Variants in SPTBN1 observed in about 807,000 individuals in gnomAD.
SPTBN1 encodes the protein spectrin beta, non-erythrocytic 1.
In SPTBN1, 32 loss-of-function variants were observed where a neutral mutation model predicts 266.4. The ratio of observed to expected loss-of-function variants is 0.12; its 90% CI spans 0.09 to 0.16. The LOEUF (loss-of-function observed/expected upper bound fraction) is 0.16, where lower values mean the gene tolerates loss of function less well. SPTBN1 is among the 10% of genes least tolerant of loss of function. The probability of loss-of-function intolerance (pLI) is 1.00; values close to 1 mark genes in which losing one functional copy is unlikely to be tolerated. For missense variants in SPTBN1, 2,296 were observed against 3,067.1 expected (o/e 0.75, Z 5.94); for synonymous variants, 1,336 against 1,162.2 (o/e 1.15, Z -3.04).
intron 32 of SPTBN1, chr2:54,661,041 T>G (rs961356536): frequency 1.6e-5 from 16 of 985,268 alleles, no homozygotes; most frequent in Non-Finnish European, 1.8e-5. Context: ...CTGGGAGCGC[T>G]CGCATGCCCC....
rs180904074 is a variant in SPTBN1, at chr2:54,576,530, A to G, written c.149-22562A>G. Among the ~76,000 whole-genome samples the G allele has an allele frequency of 1.0e-3, 159 of 152,222 alleles. 3 individuals are homozygous for G. The highest frequency in any genetic ancestry group is 1.8e-4 in the Non-Finnish European group (12 of 68,008). The stretch of plus-strand genomic sequence containing the variant: ...AGAACTTGTACTCAAAACTCAACTG[A>G]CAAATCCTGGAAGGCCGTTGCTTAT... On this transcript the variant is annotated intron_variant, in intron 2 of 35. Coordinates refer to ENST00000356805, the MANE Select transcript of SPTBN1 (RefSeq NM_003128.3).
intron 2 of SPTBN1, chr2:54,535,083 A>C (rs1671522139): frequency 6.6e-6 from 1 of 152,182 alleles, no homozygotes; most frequent in South Asian, 2.1e-4. Flanking sequence ...CATAGAATTG[A>C]GAGTTGATTT....
At chr2:54,617,070 A>G (rs1438566568) in intron 5 of SPTBN1, among the ~76,000 whole-genome samples, 4 of 152,240 alleles carry the variant, frequency 2.6e-5, no homozygotes, top group Non-Finnish European at 4.4e-5. Flanking sequence ...TTAATAGTCA[A>G]TATGGTATAG....
chr2:54,563,880 G>A (rs907404309), intron 2 of SPTBN1, among the ~76,000 whole-genome samples: 1 of 152,060 alleles, frequency 6.6e-6, no homozygotes, highest in African/African-American at 2.4e-5. Context: ...GACCACACCC[G>A]GCAAGGGTAG....
rs550053495 is a variant in SPTBN1, at chr2:54,575,295, A to G, written c.149-23797A>G. 9.2e-5 allele frequency among the ~76,000 whole-genome samples: 14 copies of G among 152,354 alleles called. No homozygotes were observed. The East Asian group carries it at 2.5e-3, about 27-fold the overall frequency. ...GAAAGAAACCAGTCAGGTTTTCCCAATATCAATTTCTTTTTATTTTCTTTT... is the reference window on the plus strand; with the variant it reads ...GAAAGAAACCAGTCAGGTTTTCCCAGTATCAATTTCTTTTTATTTTCTTTT... On this transcript the variant is annotated intron_variant, in intron 2 of 35. Transcript: ENST00000356805.
At chr2:54,578,077 A>T (rs1366215715) in intron 2 of SPTBN1, among the ~76,000 whole-genome samples, 1 of 152,226 alleles carries the variant, frequency 6.6e-6, no homozygotes, top group Non-Finnish European at 1.5e-5. Context: ...CTCAGCTGAC[A>T]GTACAGACTC....
intron 1 of SPTBN1, among the ~76,000 whole-genome samples, chr2:54,494,686 C>G (rs1668871754): frequency 6.6e-6 from 1 of 152,154 alleles, no homozygotes; most frequent in South Asian, 2.1e-4. Context: ...AAACTAATCT[C>G]TAGCGACAGA....
At chr2:54,656,495 T>C (rs577360860) in intron 29 of SPTBN1, among the ~76,000 whole-genome samples, 41 of 152,376 alleles carry the variant, frequency 2.7e-4, no homozygotes, top group Admixed American at 1.2e-3. Context: ...TTAGATTCTA[T>C]TTTTAATTCT....
intron 4 of SPTBN1, among the ~76,000 whole-genome samples, chr2:54,615,808 A>C (rs1291149308): frequency 6.6e-6 from 1 of 152,246 alleles, no homozygotes; most frequent in Non-Finnish European, 1.5e-5. Flanking sequence ...CAGTGCCCTC[A>C]TCAATGAAGG....
At position 54,501,905 on chromosome 2, in the gene SPTBN1, G is replaced by T. The variant is rs541686020; in HGVS notation, c.-47-24467G>T. On this transcript the variant is annotated intron_variant, in intron 1 of 35. Transcript: ENST00000356805. ...GACTTCGTGAGAAAAGCTCGATCAC[G>T]TTTTGGTAAGTATTTGCAGCTCCCT... Among the ~76,000 whole-genome samples, 5 of 152,300 alleles carry T rather than the reference G, an allele frequency of 3.3e-5. No individual in the cohort carries two copies. In the South Asian group the frequency reaches 1.0e-3, roughly 32 times the overall value.
chr2:54,464,040 T>A (rs996897200), intron 1 of SPTBN1, among the ~76,000 whole-genome samples: 1 of 152,240 alleles, frequency 6.6e-6, no homozygotes, highest in Non-Finnish European at 1.5e-5. Flanking sequence ...ATAGATATTA[T>A]GCTCTGGGCT....
In SPTBN1 at chr2:54,485,039, AC is replaced by A. The variant is rs1315280016; in HGVS notation, c.-48+28523del. The stretch of plus-strand genomic sequence containing the variant: ...AGGATTCTTATCACACAGTGTGTAG[AC>A]CATGCGCCTATGAACTTGAAGTTTG... On this transcript the variant is annotated intron_variant, in intron 1 of 35. Transcript: ENST00000356805. Among the ~76,000 whole-genome samples the A allele has an allele frequency of 4.2e-4, 64 of 152,346 alleles. 1 individual carries two copies. Among genetic ancestry groups the A allele is most frequent in the African/African-American group, 1.3e-3 (56 of 41,582 alleles).
chr2:54,617,552 T>C (rs1572689908), intron 5 of SPTBN1, 56 bp from the exon 6 acceptor site: 2 of 1,568,262 alleles, frequency 1.3e-6, no homozygotes, highest in South Asian at 1.1e-5. Context: ...TTGGCAAAAG[T>C]ATAAACCTCC....
At chr2:54,476,196 T>G (rs1486902013) in intron 1 of SPTBN1, among the ~76,000 whole-genome samples, 1 of 152,082 alleles carries the variant, frequency 6.6e-6, no homozygotes. Context: ...TGTGCCATCC[T>G]CACTCAAGGA....
In SPTBN1 at chr2:54,629,389, A is replaced by C; in HGVS notation, c.2255A>C (p.Asp752Ala). ...TCCCTGCTGCACCAGTTCCAGGCAG[A>C]TGCTGATGACATTGATGCCTGGATG... is the stretch of plus-strand genomic sequence containing the variant. The part of the protein sequence containing the change: ...EASLLHQFQA[D>A]ADDIDAWMLD... The change falls in exon 14 of 36, where the codon GAT (aspartate) becomes GCT (alanine). Residue 752 changes from aspartate to alanine, a missense_variant. Physicochemically the swap from Asp to Ala is moderately radical, Grantham distance 126. Around this residue, in one of 12 missense-constraint regions of SPTBN1, gnomAD observed 434 missense variants for 573.9 expected, o/e 0.76. Coordinates refer to ENST00000356805, the MANE Select transcript of SPTBN1 (RefSeq NM_003128.3). 6 of 1,614,170 alleles carry C rather than the reference A, an allele frequency of 3.7e-6. No homozygotes were observed. The highest frequency in any genetic ancestry group is 5.1e-6 in the Non-Finnish European group (6 of 1,180,044).
In SPTBN1 at chr2:54,535,914, G is replaced by A. The variant is rs190384186; in HGVS notation, c.148+9348G>A. Among the ~76,000 whole-genome samples the A allele has an allele frequency of 2.4e-3, 370 of 152,328 alleles. 1 individual carries two copies. The highest frequency in any genetic ancestry group is 8.8e-3 in the African/African-American group (364 of 41,558). ...TTACATGTGAGTAACCACCTATTCA[G>A]GAGGCTGAGACAGGAGAATCACTTG... On this transcript the variant is annotated intron_variant, in intron 2 of 35. Transcript: ENST00000356805.
intron 1 of SPTBN1, among the ~76,000 whole-genome samples, chr2:54,508,032 T>C (rs1049051043): frequency 6.6e-6 from 1 of 152,074 alleles, no homozygotes; most frequent in African/African-American, 2.4e-5. Flanking sequence ...GGTGAAAGTA[T>C]TGGAGGGTAC....
chr2:54,598,160 A>G (rs1453869339), intron 2 of SPTBN1, among the ~76,000 whole-genome samples: 1 of 152,196 alleles, frequency 6.6e-6, no homozygotes, highest in African/African-American at 2.4e-5. Flanking sequence ...AAATATGTCT[A>G]GAGTTTTATA....
At chr2:54,568,170 C>T (rs866099813) in intron 2 of SPTBN1, among the ~76,000 whole-genome samples, 13 of 151,888 alleles carry the variant, frequency 8.6e-5, no homozygotes, top group African/African-American at 2.9e-4. Context: ...CACCAGAGGT[C>T]GGGAGTTCGA....
Sources: gnomAD v4.1 joint callset for allele counts (sites outside exome capture counted in the v4.1 genomes callset) on GRCh38, gnomAD v4.1.1 for gene constraint, gnomAD v4.1.1 regional missense constraint, MANE v1.5 for transcripts, NCBI Gene and HGNC (gene_info 2026-07-23, HGNC 2026-07-21) for gene names.